ATXN1: variants seen among roughly 807,000 people sequenced by gnomAD.
The protein encoded by ATXN1 is ataxin-1.
Under a neutral mutation model 56.4 loss-of-function variants are expected in ATXN1, and 8 were observed. The observed-to-expected ratio is 0.14, with a 90% confidence interval of 0.08 to 0.26. The LOEUF is 0.26. Ranked by LOEUF, ATXN1 falls within the 10% of genes least tolerant of loss-of-function variation. ATXN1 has a pLI of 1.00. For missense variants in ATXN1, 987 were observed against 1,106.5 expected (o/e 0.89, Z 1.53); for synonymous variants, 514 against 494.6 (o/e 1.04, Z -0.52).
intron 5 of ATXN1, among the ~76,000 whole-genome samples, chr6:16,507,356 T>G (rs1760998247): frequency 6.6e-6 from 1 of 152,228 alleles, no homozygotes. Flanking sequence ...GCCACAGCAC[T>G]GCAATGTCCG....
intron 3 of ATXN1, among the ~76,000 whole-genome samples, chr6:16,592,338 T>G (rs1762736917): frequency 6.6e-6 from 1 of 152,208 alleles, no homozygotes; most frequent in South Asian, 2.1e-4. Flanking sequence ...CTTTGATTTT[T>G]CAAGATCGAA....
chr6:16,706,348 C>T (rs1759405383), intron 2 of ATXN1, among the ~76,000 whole-genome samples: 1 of 152,028 alleles, frequency 6.6e-6, no homozygotes, highest in Non-Finnish European at 1.5e-5. Context: ...AATTTGGCGC[C>T]CAATACGTAT....
intron 3 of ATXN1, among the ~76,000 whole-genome samples, chr6:16,596,732 C>A (rs1762822243): frequency 6.6e-6 from 1 of 152,198 alleles, no homozygotes; most frequent in African/African-American, 2.4e-5. Context: ...CTCATGGAGG[C>A]TGCATCAAAT....
intron 6 of ATXN1, among the ~76,000 whole-genome samples, chr6:16,440,757 T>A (rs905627542): frequency 5.3e-5 from 8 of 151,610 alleles, no homozygotes; most frequent in Admixed American, 4.6e-4. Context: ...GCCCTCCTCC[T>A]CCCTGCCAGT....
chr6:16,594,630 G>A (rs775385707), intron 3 of ATXN1, among the ~76,000 whole-genome samples: 3 of 151,812 alleles, frequency 2.0e-5, no homozygotes, highest in African/African-American at 4.8e-5. Flanking sequence ...CTACAGGTGC[G>A]CACCACCACC....
At chr6:16,665,674 C>A (rs906928104) in intron 2 of ATXN1, among the ~76,000 whole-genome samples, 1 of 152,270 alleles carries the variant, frequency 6.6e-6, no homozygotes, top group Non-Finnish European at 1.5e-5. Context: ...ATAATTCCCA[C>A]CATTTGTCCT....
chr6:16,488,382 G>A (rs1175865697), intron 5 of ATXN1, among the ~76,000 whole-genome samples: 2 of 152,098 alleles, frequency 1.3e-5, no homozygotes, highest in African/African-American at 4.8e-5. Flanking sequence ...TGATGATTAC[G>A]GTATTTTTAC....
chr6:16,681,501 C>G (rs1271707154), intron 2 of ATXN1, among the ~76,000 whole-genome samples: 1 of 152,242 alleles, frequency 6.6e-6, no homozygotes, highest in Admixed American at 6.5e-5. Context: ...TAATTTGGCA[C>G]TCCTGCCTCA....
At chr6:16,639,155 T>A (rs1763656865) in intron 3 of ATXN1, among the ~76,000 whole-genome samples, 1 of 151,946 alleles carries the variant, frequency 6.6e-6, no homozygotes, top group African/African-American at 2.4e-5. Context: ...CAGGGACAAA[T>A]AAGGGAATAA....
At chr6:16,587,670 T>C (rs538710490) in intron 3 of ATXN1, among the ~76,000 whole-genome samples, 8 of 152,220 alleles carry the variant, frequency 5.3e-5, no homozygotes, top group African/African-American at 1.7e-4. Context: ...CAGTGGCTCA[T>C]GCCTGTAAAT....
At chr6:16,601,216 TTCAAAATAGGGTA>T (rs1464381478) in intron 3 of ATXN1, among the ~76,000 whole-genome samples, 1 of 152,218 alleles carries the variant, frequency 6.6e-6, no homozygotes, top group Non-Finnish European at 1.5e-5. Context: ...CATGTGTAAT[TTCAAAATAGGGTA>T]TCAGTGTATG....
At chr6:16,569,374 A>C (rs1005687820) in intron 4 of ATXN1, among the ~76,000 whole-genome samples, 2 of 151,972 alleles carry the variant, frequency 1.3e-5, no homozygotes, top group East Asian at 1.9e-4. Context: ...AAAAATAAAA[A>C]ATTTAGCTGG....
Position 16,328,428 on chromosome 6 carries a change from T to C in ATXN1, c.-118A>G. The C allele has an allele frequency of 7.4e-7, 1 of 1,343,880 alleles. No individual in the cohort carries two copies. The highest frequency in any genetic ancestry group is 9.5e-7 in the Non-Finnish European group (1 of 1,049,950). 83.2% of individuals were successfully genotyped at this position (1,343,880 alleles called of 1,614,324 possible). On this transcript the variant is annotated 5_prime_UTR_variant, in exon 7 of 8. An upstream open reading frame in the 5' UTR loses its in-frame stop. Coordinates refer to ENST00000436367, the MANE Select transcript of ATXN1 (RefSeq NM_001128164.2). The surrounding 1 kb of genome is among the most constrained non-coding windows in gnomAD (Gnocchi z 6.2). ...GGGGATCCAGGCTCTTCATGAGGAATCATCTCCCCGTGGGTACAATCCGCC... is the reference window on the plus strand; with the variant it reads ...GGGGATCCAGGCTCTTCATGAGGAACCATCTCCCCGTGGGTACAATCCGCC...
In ATXN1 at chr6:16,745,954, G is replaced by A. The variant is rs4712293; in HGVS notation, c.-615+7279C>T. Among the ~76,000 whole-genome samples, 14 of 151,832 alleles carry A rather than the reference G, an allele frequency of 9.2e-5. No individual in the cohort carries two copies. The South Asian group carries it at 2.7e-3, about 29-fold the overall frequency. The stretch of plus-strand genomic sequence containing the variant: ...CTTCCGTGTGTGTGTGTGTGTGTGT[G>A]TGTGTGTGTGTGTGTGTGTCTGTTT... On this transcript the variant is annotated intron_variant, in intron 2 of 7. Coordinates refer to ENST00000436367, the MANE Select transcript of ATXN1 (RefSeq NM_001128164.2).
At chr6:16,750,825 A>G (rs192429966) in intron 2 of ATXN1, among the ~76,000 whole-genome samples, 1 of 152,260 alleles carries the variant, frequency 6.6e-6, no homozygotes, top group Admixed American at 6.5e-5. Context: ...ATGCACGTGT[A>G]CTCAACCCAT....
intron 5 of ATXN1, among the ~76,000 whole-genome samples, chr6:16,496,290 T>C (rs749891518): frequency 2.0e-5 from 3 of 152,258 alleles, no homozygotes; most frequent in Non-Finnish European, 4.4e-5. Flanking sequence ...GAATACCATG[T>C]AGCAGAAATG....
At chr6:16,648,830 A>G (rs1763845809) in intron 3 of ATXN1, among the ~76,000 whole-genome samples, 1 of 152,190 alleles carries the variant, frequency 6.6e-6, no homozygotes. Context: ...TTTATAAACA[A>G]GAAAACTGAA....
chr6:16,389,165 C>T (rs1280024342), intron 6 of ATXN1, among the ~76,000 whole-genome samples: 1 of 151,742 alleles, frequency 6.6e-6, no homozygotes, highest in African/African-American at 2.4e-5. Flanking sequence ...GGTGAAACCT[C>T]GTCTGTACTA....
chr6:16,367,806 G>A (rs1036638481), intron 6 of ATXN1, among the ~76,000 whole-genome samples: 1 of 151,368 alleles, frequency 6.6e-6, no homozygotes, highest in Non-Finnish European at 1.5e-5. Context: ...CAAAAATGTG[G>A]TATGGTTCCT....
Sources: allele counts gnomAD v4.1 joint callset (sites outside exome capture counted in the v4.1 genomes callset), GRCh38; gene constraint gnomAD v4.1.1; non-coding constraint Gnocchi (gnomAD v3.1); transcripts MANE v1.5; gene names NCBI Gene and HGNC (gene_info 2026-07-23, HGNC 2026-07-21).